SART3: variants seen among roughly 807,000 people sequenced by gnomAD.
The protein encoded by SART3 is HIV-1 Tat-interacting protein of 110kDa.
In SART3, 44 loss-of-function variants were observed where a neutral mutation model predicts 122.3. The observed-to-expected ratio is 0.36, with a 90% CI of 0.28 to 0.46. The LOEUF is 0.46. Among genes scored for constraint, SART3 ranks in the 20% least tolerant of loss-of-function variants. The pLI is 1.00. For missense variants in SART3, 1,101 were observed against 1,229.0 expected (o/e 0.90, Z 1.56); for synonymous variants, 442 against 454.0 (o/e 0.97, Z 0.34).
At chr12:108,559,039 GAAAAAAAAAA>G (rs747479698) in intron 1 of SART3, among the ~76,000 whole-genome samples, 5 of 103,946 alleles carry the variant, frequency 4.8e-5, no homozygotes, top group South Asian at 3.2e-4. Context: ...TCTCAAAAAA[GAAAAAAAAAA>G]AAAAAAAAAA....
At position 108,523,088 on chromosome 12, in the gene SART3, T is replaced by C. The variant is rs1872199274; in HGVS notation, c.*369A>G. ...TGACGGGCACATGTGCTGTGCAGGG[T>C]GGAAGAGAAGTGTCATACAAAAAGG... On this transcript the variant is annotated 3_prime_UTR_variant, in exon 19 of 19. Transcript: ENST00000546815. The C allele has an allele frequency of 3.5e-5, 12 of 343,968 alleles. No homozygotes were observed. In the South Asian group the frequency reaches 3.5e-4, roughly 10 times the overall value. The allele number at this position is 343,968 out of a possible 1,614,324, so 21.3% of individuals were successfully genotyped here. A position where few individuals can be genotyped will look rare whatever the true frequency, so the allele number is the denominator to read the frequency against.
chr12:108,528,064 C>T (rs1181771711), intron 15 of SART3, among the ~76,000 whole-genome samples: 2 of 152,146 alleles, frequency 1.3e-5, no homozygotes, highest in Non-Finnish European at 2.9e-5. Flanking sequence ...CGCGCCCAGC[C>T]ACCAGAGACA....
At position 108,546,780 on chromosome 12, in the gene SART3, C is replaced by G. The variant is rs553664567; in HGVS notation, c.544+1107G>C. On this transcript the variant is annotated intron_variant, in intron 3 of 18. Coordinates refer to ENST00000546815, the MANE Select transcript of SART3 (RefSeq NM_014706.4). ...AAGGGATCCGCCTGCCTCAGTCTCC[C>G]AAACTGCTGGGATTATAGGCATAAG... Among the ~76,000 whole-genome samples, 57 of 152,274 alleles carry G rather than the reference C, an allele frequency of 3.7e-4. 1 individual carries two copies. In the East Asian group the frequency reaches 6.4e-3, roughly 17 times the overall value.
intron 1 of SART3, among the ~76,000 whole-genome samples, chr12:108,555,897 T>C (rs138327310): frequency 2.6e-5 from 4 of 152,316 alleles, no homozygotes; most frequent in African/African-American, 4.8e-5. Flanking sequence ...GTAGGAGGAT[T>C]TGTCTTACCA....
intron 1 of SART3, among the ~76,000 whole-genome samples, chr12:108,556,571 A>G (rs897377845): frequency 5.3e-5 from 8 of 152,256 alleles, no homozygotes; most frequent in Non-Finnish European, 7.3e-5. Flanking sequence ...TCCGATGATC[A>G]CACGATAGGC....
At chr12:108,535,797 A>AG (rs1282725760) in intron 11 of SART3, among the ~76,000 whole-genome samples, 2 of 151,944 alleles carry the variant, frequency 1.3e-5, no homozygotes, top group East Asian at 3.9e-4. Context: ...AAAAAAAAAA[A>AG]AAAGACTGAT....
At chr12:108,532,058 AG>A in intron 13 of SART3, 163 bp downstream of exon 13, 1 of 651,838 alleles carries the variant, frequency 1.5e-6, no homozygotes, top group East Asian at 2.9e-5. Flanking sequence ...GAAGAGCTGC[AG>A]GAGGACTCAT....
intron 1 of SART3, among the ~76,000 whole-genome samples, chr12:108,557,558 T>C (rs1411391989): frequency 6.6e-6 from 1 of 152,210 alleles, no homozygotes; most frequent in Non-Finnish European, 1.5e-5. Context: ...TGCGCCAAAC[T>C]GTGCCAGGCG....
rs1238869282 is a variant in SART3, at chr12:108,547,868, A to G, written c.544+19T>C. The G allele has an allele frequency of 3.8e-6, 6 of 1,594,954 alleles. No homozygotes were observed. The African/African-American group carries it at 8.0e-5, about 21-fold the overall frequency. On this transcript the variant is annotated intron_variant, in intron 3 of 18. Coordinates refer to ENST00000546815, the MANE Select transcript of SART3 (RefSeq NM_014706.4). ...ATATGACATTGCCAGATATCCAAAAAAAGTCCACGGGAACTTACAAATGTA... is the reference window on the plus strand; with the variant it reads ...ATATGACATTGCCAGATATCCAAAAGAAGTCCACGGGAACTTACAAATGTA...
At chr12:108,529,228 C>A (rs1020728008) in intron 15 of SART3, among the ~76,000 whole-genome samples, 2 of 152,216 alleles carry the variant, frequency 1.3e-5, no homozygotes, top group Non-Finnish European at 2.9e-5. Flanking sequence ...GGTGTGAAAT[C>A]ATGACTTTCA....
rs143342050 is a variant in SART3 at position 108,535,376 on chromosome 12, C to A, written c.1539G>T (p.Glu513Asp). The change falls in exon 12 of 19, where the codon GAG becomes GAT. Residue 513 changes from glutamate to aspartate, a missense_variant. Physicochemically the swap from Glu to Asp is conservative, Grantham distance 45. Transcript: ENST00000546815. Reference protein sequence around the residue: ...GNAKYANMWLEYYNLERAHGD... With the variant: ...GNAKYANMWLDYYNLERAHGD... ...TCAGTTACCTTTCCAGGTTGTAATA[C>A]TCTAGCCACATGTTGGCGTACTTGG... 1.2e-6 allele frequency: 2 copies of A among 1,613,866 alleles called. No homozygotes were observed. The highest frequency in any genetic ancestry group is 3.3e-4 in the Middle Eastern group (2 of 6,080).
chr12:108,549,384 A>G (rs2029897330), intron 1 of SART3, 170 bp from the exon 2 acceptor site: 1 of 642,004 alleles, frequency 1.6e-6, no homozygotes, highest in South Asian at 1.8e-5. Context: ...AGACAAAACA[A>G]TAAAAGAGGC....
chr12:108,554,656 ATAT>A (rs1287075023), intron 1 of SART3, among the ~76,000 whole-genome samples: 3 of 148,372 alleles, frequency 2.0e-5, no homozygotes, highest in Non-Finnish European at 3.0e-5. Context: ...TATATTTATT[ATAT>A]TGTTTATTAT....
intron 7 of SART3, 108 bp from the exon 8 acceptor site, chr12:108,538,311 T>C (rs1873005153): frequency 1.4e-5 from 18 of 1,326,586 alleles, no homozygotes; most frequent in Middle Eastern, 4.3e-4. Flanking sequence ...CTTATAAACA[T>C]CTCTTGTGAC....
At position 108,545,275 on chromosome 12, in the gene SART3, C is replaced by T. The variant is rs1458391371; in HGVS notation, c.593G>A (p.Gly198Asp). Residue 198 changes from glycine (G) to aspartate (D), a missense_variant, in exon 4 of 19, where the codon GGT becomes GAT. Around this residue, in one of 2 missense-constraint regions of SART3, gnomAD observed 885 missense variants for 1,080.1 expected, o/e 0.82. Coordinates refer to ENST00000546815, the MANE Select transcript of SART3 (RefSeq NM_014706.4). ...EYGQYSVGGI[G>D]QKGGLEKVRS... Reference sequence around the variant, plus strand: ...AACTTTCTCAAGGCCACCTTTCTGACCAATCCCACCAACTGAGTACTGGCC... The same window carrying T: ...AACTTTCTCAAGGCCACCTTTCTGATCAATCCCACCAACTGAGTACTGGCC... 4.3e-6 allele frequency: 7 copies of T among 1,614,148 alleles called. No individual in the cohort carries two copies. Among genetic ancestry groups the T allele is most frequent in the Admixed American group, 1.7e-5 (1 of 60,014 alleles).
rs1047462344 is a variant in SART3, at chr12:108,559,870, G to C, written c.312+973C>G. Among the ~76,000 whole-genome samples, 6 of 152,112 alleles carry C rather than the reference G, an allele frequency of 3.9e-5. No individual in the cohort carries two copies. In the East Asian group the frequency reaches 1.2e-3, roughly 29 times the overall value. On this transcript the variant is annotated intron_variant, in intron 1 of 18. Coordinates refer to ENST00000546815, the MANE Select transcript of SART3 (RefSeq NM_014706.4). ...GGTGGGAGGAAGAAAGAGAGGTCAG[G>C]GTATTTCTTCCCCCACCTCAATCCT...
intron 6 of SART3, among the ~76,000 whole-genome samples, chr12:108,542,498 GACCCA>G (rs969921082): frequency 2.0e-5 from 3 of 151,870 alleles, no homozygotes; most frequent in African/African-American, 7.2e-5. Flanking sequence ...ACCTGGAAAT[GACCCA>G]ACTATCCAGC....
Position 108,545,248 on chromosome 12 carries a change from C to T in SART3, c.620G>A (p.Arg207His), listed in dbSNP as rs1873352042. The T allele has an allele frequency of 5.0e-6, 8 of 1,614,122 alleles. No individual in the cohort carries two copies. The highest frequency in any genetic ancestry group is 6.8e-6 in the Non-Finnish European group (8 of 1,180,008). ...IGQKGGLEKV[R>H]SVFERALSSV... ...CGAGAGAGCCCTTTCAAACACGGAG[C>T]GAACTTTCTCAAGGCCACCTTTCTG... Residue 207 changes from arginine (R) to histidine (H), a missense_variant, in exon 4 of 19, where the codon CGC (arginine) becomes CAC (histidine). Arg to His is a conservative substitution (Grantham distance 29). Around this residue, in one of 2 missense-constraint regions of SART3, gnomAD observed 885 missense variants for 1,080.1 expected, o/e 0.82. Coordinates refer to ENST00000546815, the MANE Select transcript of SART3 (RefSeq NM_014706.4).
intron 1 of SART3, among the ~76,000 whole-genome samples, chr12:108,557,792 T>G (rs1257056199): frequency 6.6e-6 from 1 of 152,224 alleles, no homozygotes; most frequent in Non-Finnish European, 1.5e-5. Flanking sequence ...CCACTTTTAA[T>G]TTCAGCGCAC....
Sources: allele counts gnomAD v4.1 joint callset (sites outside exome capture counted in the v4.1 genomes callset), GRCh38; gene constraint gnomAD v4.1.1; regional missense constraint gnomAD v4.1.1; transcripts MANE v1.5; gene names NCBI Gene and HGNC (gene_info 2026-07-23, HGNC 2026-07-21).